Variants in PARD3B observed in about 807,000 individuals in gnomAD.
PARD3B encodes the protein par-3 family cell polarity regulator beta.
Under a neutral mutation model 130.2 loss-of-function variants are expected in PARD3B, and 103 were observed. The observed-to-expected ratio is 0.79, with a 90% CI of 0.67 to 0.93. The LOEUF is 0.93. PARD3B is among the 40% of genes least tolerant of loss of function. The probability of loss-of-function intolerance (pLI) is 0.00; values close to 1 mark genes in which losing one functional copy is unlikely to be tolerated. For missense variants in PARD3B, 1,609 were observed against 1,499.2 expected (o/e 1.07, Z -1.21); for synonymous variants, 583 against 553.2 (o/e 1.05, Z -0.76).
At chr2:204,687,608 A>G (rs1280390197) in intron 2 of PARD3B, among the ~76,000 whole-genome samples, 1 of 152,134 alleles carries the variant, frequency 6.6e-6, no homozygotes, top group Non-Finnish European at 1.5e-5. Flanking sequence ...TTTGATATAT[A>G]CTTCCTGTTT....
intron 1 of PARD3B, among the ~76,000 whole-genome samples, chr2:204,576,261 A>G (rs888543273): frequency 3.9e-5 from 6 of 152,134 alleles, no homozygotes; most frequent in Non-Finnish European, 7.4e-5. Context: ...GGGTGCTGCT[A>G]TTTTTGAAGA....
intron 19 of PARD3B, among the ~76,000 whole-genome samples, chr2:205,402,048 G>A (rs1449297821): frequency 6.6e-6 from 1 of 152,116 alleles, no homozygotes; most frequent in Non-Finnish European, 1.5e-5. Flanking sequence ...TATTCATTGT[G>A]TTTTCTAGCA....
intron 19 of PARD3B, among the ~76,000 whole-genome samples, chr2:205,403,684 A>G (rs1455586037): frequency 1.3e-5 from 2 of 152,230 alleles, no homozygotes; most frequent in African/African-American, 4.8e-5. Context: ...GTTGGAGCCC[A>G]GGAATCTGTG....
chr2:204,609,832 G>A (rs776743094), intron 1 of PARD3B, among the ~76,000 whole-genome samples: 8 of 152,050 alleles, frequency 5.3e-5, no homozygotes, highest in Non-Finnish European at 1.0e-4. Flanking sequence ...CTTTAAATAA[G>A]AGATTAAATG....
chr2:204,545,950 G>A lies in PARD3B; in HGVS notation c.-50G>A, dbSNP rs560230530. 1.4e-6 allele frequency: 2 copies of A among 1,480,532 alleles called. No individual in the cohort carries two copies. The highest frequency in any genetic ancestry group is 1.8e-6 in the Non-Finnish European group (2 of 1,116,552). 91.7% of individuals were successfully genotyped at this position (1,480,532 alleles called of 1,614,324 possible). ...CTCCGAGAGTGGGGGCTGCGCCCGC[G>A]GGGTCAGACACCTGTTCGGCCCGGC... On this transcript the variant is annotated 5_prime_UTR_variant, in exon 1 of 23. Coordinates refer to ENST00000406610, the MANE Select transcript of PARD3B (RefSeq NM_001302769.2).
intron 2 of PARD3B, among the ~76,000 whole-genome samples, chr2:204,939,852 C>T (rs13407207): frequency 0.03 from 4,630 of 152,218 alleles, 96 homozygotes; most frequent in African/African-American, 0.053. Flanking sequence ...TTTATTATCA[C>T]ACCATTATTT....
At chr2:204,668,171 T>C (rs564953841) in intron 1 of PARD3B, among the ~76,000 whole-genome samples, 1 of 152,270 alleles carries the variant, frequency 6.6e-6, no homozygotes. Flanking sequence ...TCTGGAAATA[T>C]TTTCCCCATG....
intron 4 of PARD3B, among the ~76,000 whole-genome samples, chr2:205,092,073 T>C (rs536011363): frequency 5.3e-5 from 8 of 152,278 alleles, no homozygotes; most frequent in Admixed American, 3.9e-4. Context: ...AGCAGAAGGC[T>C]ACTAGAGGGA....
intron 10 of PARD3B, among the ~76,000 whole-genome samples, chr2:205,141,544 A>G (rs1279296265): frequency 6.6e-6 from 1 of 152,168 alleles, no homozygotes; most frequent in Non-Finnish European, 1.5e-5. Flanking sequence ...CCATATCAAA[A>G]CTCAGAAGTG....
chr2:205,481,822 A>G (rs2049247276), intron 20 of PARD3B, among the ~76,000 whole-genome samples: 1 of 152,234 alleles, frequency 6.6e-6, no homozygotes, highest in Admixed American at 6.5e-5. Flanking sequence ...TCTAATGCTG[A>G]TCATTATTCC....
At chr2:204,813,753 T>G (rs1210534915) in intron 2 of PARD3B, among the ~76,000 whole-genome samples, 1 of 152,100 alleles carries the variant, frequency 6.6e-6, no homozygotes, top group Non-Finnish European at 1.5e-5. Flanking sequence ...TTGAGAACCA[T>G]TTTCAAAAGA....
At chr2:205,079,031 C>T (rs1450315635) in intron 4 of PARD3B, among the ~76,000 whole-genome samples, 1 of 152,192 alleles carries the variant, frequency 6.6e-6, no homozygotes, top group Non-Finnish European at 1.5e-5. Context: ...GAGGGCTGCC[C>T]AGCTTAGCCT....
intron 1 of PARD3B, among the ~76,000 whole-genome samples, chr2:204,558,425 G>A (rs561274660): frequency 6.6e-6 from 1 of 152,262 alleles, no homozygotes; most frequent in Non-Finnish European, 1.5e-5. Flanking sequence ...CAAATCATGA[G>A]TGAACTCCCA....
intron 10 of PARD3B, among the ~76,000 whole-genome samples, chr2:205,145,917 T>A (rs959460050): frequency 3.3e-5 from 5 of 152,116 alleles, no homozygotes; most frequent in African/African-American, 1.2e-4. Context: ...GCCTGTATAT[T>A]AGACATTGGA....
intron 4 of PARD3B, among the ~76,000 whole-genome samples, chr2:205,100,307 T>C (rs1054291164): frequency 6.6e-6 from 1 of 152,138 alleles, no homozygotes; most frequent in Non-Finnish European, 1.5e-5. Flanking sequence ...ATACATCCCA[T>C]ACAGAATTAT....
In PARD3B at chr2:205,616,162, T is replaced by C; in HGVS notation, c.*349T>C. 1 of 228,112 alleles carries C rather than the reference T, an allele frequency of 4.4e-6. No homozygotes were observed. Among genetic ancestry groups the C allele is most frequent in the Non-Finnish European group, 8.5e-6 (1 of 117,802 alleles). The allele number at this position is 228,112 out of a possible 1,614,324, so 14.1% of individuals were successfully genotyped here. A position where few individuals can be genotyped will look rare whatever the true frequency, so the allele number is the denominator to read the frequency against. On this transcript the variant is annotated 3_prime_UTR_variant, in exon 23 of 23. Transcript: ENST00000406610. ...GGATCCTCTCTGGCTAGATAACCTG[T>C]GCTGATGTGCAGACACGTGGACATC...
intron 2 of PARD3B, among the ~76,000 whole-genome samples, chr2:204,813,170 A>G (rs2043023417): frequency 6.6e-6 from 1 of 152,232 alleles, no homozygotes; most frequent in African/African-American, 2.4e-5. Flanking sequence ...CACTCACACC[A>G]ATATTGGAGT....
intron 2 of PARD3B, among the ~76,000 whole-genome samples, chr2:204,875,734 G>A (rs1313478890): frequency 3.3e-5 from 5 of 152,122 alleles, no homozygotes; most frequent in East Asian, 1.9e-4. Flanking sequence ...TTACAAGTTC[G>A]TTACTTCTCT....
chr2:204,881,864 A>G (rs1405654964), intron 2 of PARD3B, among the ~76,000 whole-genome samples: 1 of 152,186 alleles, frequency 6.6e-6, no homozygotes, highest in Middle Eastern at 3.2e-3. Flanking sequence ...GCTGCACAGG[A>G]GTGCTTTTGC....
Sources: allele counts gnomAD v4.1 joint callset (sites outside exome capture counted in the v4.1 genomes callset), GRCh38; gene constraint gnomAD v4.1.1; transcripts MANE v1.5; gene names NCBI Gene and HGNC (gene_info 2026-07-23, HGNC 2026-07-21).